Variants in KCTD1 observed in about 807,000 individuals in gnomAD.
The protein encoded by KCTD1 is BTB/POZ domain-containing protein KCTD1.
In KCTD1, 24 loss-of-function variants were observed where a neutral mutation model predicts 66.0. That is an observed-to-expected ratio of 0.36 (90% CI 0.26 to 0.51). The LOEUF (loss-of-function observed/expected upper bound fraction) is 0.51. Among genes scored for constraint, KCTD1 ranks in the 20% least tolerant of loss-of-function variants. The pLI is 0.95. For missense variants in KCTD1, 943 were observed against 1,205.2 expected (o/e 0.78, Z 3.22); for synonymous variants, 511 against 517.2 (o/e 0.99, Z 0.16).
At chr18:26,486,749 G>A (rs1981940477) in intron 2 of KCTD1, among the ~76,000 whole-genome samples, 1 of 152,106 alleles carries the variant, frequency 6.6e-6, no homozygotes, top group Non-Finnish European at 1.5e-5. Flanking sequence ...GAATTAACTT[G>A]CATGTCACTG....
At position 26,459,859 on chromosome 18, in the gene KCTD1, T is replaced by G; in HGVS notation, c.2200A>C (p.Arg734=). 1 of 1,613,254 alleles carries G rather than the reference T, an allele frequency of 6.2e-7. No homozygotes were observed. Among genetic ancestry groups the G allele is most frequent in the Non-Finnish European group, 8.5e-7 (1 of 1,179,384 alleles). ...QLQPMLLEME[R]WKQDRETGRF... ...CCAGTTTCTCTGTCCTGCTTCCATC[T>G]TTCCATCTCCAACAACATGGGCTGA... is the stretch of plus-strand genomic sequence containing the variant. The change falls in exon 4 of 5, where the codon AGA becomes CGA. Residue 734 remains arginine, a synonymous_variant. Coordinates refer to ENST00000580059, the MANE Select transcript of KCTD1 (RefSeq NM_001142730.3).
chr18:26,599,060 A>G (rs558338956), intron 1 of KCTD1, among the ~76,000 whole-genome samples: 1 of 152,332 alleles, frequency 6.6e-6, no homozygotes, highest in East Asian at 1.9e-4. Context: ...CATCTAAGAT[A>G]CTATTGACAA....
intron 1 of KCTD1, among the ~76,000 whole-genome samples, chr18:26,535,469 T>TA (rs929370244): frequency 2.0e-5 from 3 of 151,780 alleles, no homozygotes; most frequent in Non-Finnish European, 4.4e-5. Flanking sequence ...CTTTGTATTT[T>TA]AAAAAAAGTC....
intron 2 of KCTD1, among the ~76,000 whole-genome samples, chr18:26,477,749 G>C (rs969798049): frequency 6.6e-6 from 1 of 152,052 alleles, no homozygotes; most frequent in African/African-American, 2.4e-5. Context: ...GTGAATTTTT[G>C]TTTCAATAGA....
At chr18:26,621,277 G>T (rs1987378065) in intron 1 of KCTD1, among the ~76,000 whole-genome samples, 1 of 152,076 alleles carries the variant, frequency 6.6e-6, no homozygotes, top group Admixed American at 6.6e-5. Context: ...TCTGATTATT[G>T]CTCCCCTAAC....
In KCTD1 at chr18:26,547,116, G is replaced by A. The variant is rs772068277; in HGVS notation, c.1421C>T (p.Pro474Leu). ...IAGIGTKLGS[P>L]APQGCYAEAL... The stretch of plus-strand genomic sequence containing the variant: ...CTCGGCGTAGCAGCCCTGCGGGGCG[G>A]GCGAGCCCAGCTTGGTGCCAATGCC... Residue 474 changes from proline to leucine, a missense_variant, in exon 1 of 5, where the codon CCC becomes CTC. Physicochemically the swap from Pro to Leu is moderately conservative, Grantham distance 98 (BLOSUM62 -3). Coordinates refer to ENST00000580059, the MANE Select transcript of KCTD1 (RefSeq NM_001142730.3). 11 of 1,549,680 alleles carry A rather than the reference G, an allele frequency of 7.1e-6. No individual in the cohort carries two copies. In the East Asian group the frequency reaches 2.4e-4, roughly 34 times the overall value.
At chr18:26,624,405 C>T (rs1987454423) in intron 1 of KCTD1, among the ~76,000 whole-genome samples, 1 of 152,208 alleles carries the variant, frequency 6.6e-6, no homozygotes, top group Non-Finnish European at 1.5e-5. Context: ...CCCAGGGACC[C>T]CTTGCTCTGT....
rs543523700 is a variant in KCTD1, at chr18:26,468,351, A to C, written c.2133+8164T>G. Among the ~76,000 whole-genome samples, 1 of 152,360 alleles carries C rather than the reference A, an allele frequency of 6.6e-6. No homozygotes were observed. Among genetic ancestry groups the C allele is most frequent in the Non-Finnish European group, 1.5e-5 (1 of 68,030 alleles). On this transcript the variant is annotated intron_variant, in intron 3 of 4. Transcript: ENST00000580059. The surrounding 1 kb of genome is among the most constrained non-coding windows in gnomAD (Gnocchi z 4.8). ...GTGTTCTGAAATATGAAATTATCTC[A>C]AAGATGAAATGGGTATCCGGCTCGG...
chr18:26,495,405 G>T (rs887708038), intron 2 of KCTD1, among the ~76,000 whole-genome samples: 2 of 152,106 alleles, frequency 1.3e-5, no homozygotes, highest in Non-Finnish European at 2.9e-5. Flanking sequence ...ATCCGGTAAT[G>T]GCTAACCCAT....
intron 1 of KCTD1, among the ~76,000 whole-genome samples, chr18:26,535,446 C>A (rs1984655028): frequency 6.6e-6 from 1 of 151,772 alleles, no homozygotes; most frequent in Non-Finnish European, 1.5e-5. Context: ...AGAAATGGCT[C>A]CCGGGGGCTT....
intron 1 of KCTD1, among the ~76,000 whole-genome samples, chr18:26,506,922 T>G (rs1194266220): frequency 6.6e-6 from 1 of 152,048 alleles, no homozygotes; most frequent in African/African-American, 2.4e-5. Flanking sequence ...TTCCAGCACT[T>G]TGGGAGGCCG....
intron 1 of KCTD1, chr18:26,575,573 C>G (rs1262437937): frequency 2.0e-5 from 3 of 152,194 alleles, no homozygotes; most frequent in Non-Finnish European, 4.4e-5. Context: ...CTGCAAGTCA[C>G]GGTCTTTGTG....
At chr18:26,524,728 G>A (rs1381372089) in intron 1 of KCTD1, among the ~76,000 whole-genome samples, 1 of 152,172 alleles carries the variant, frequency 6.6e-6, no homozygotes, top group Non-Finnish European at 1.5e-5. Flanking sequence ...AACAGTGGCT[G>A]TCTCTAAAGA....
At chr18:26,538,327 G>A (rs556444990) in intron 1 of KCTD1, among the ~76,000 whole-genome samples, 21 of 152,290 alleles carry the variant, frequency 1.4e-4, no homozygotes, top group African/African-American at 4.8e-4. Context: ...AGAAGAAGGT[G>A]TGGAGTTAAA....
chr18:26,633,645 T>C (rs866255233), upstream of KCTD1, among the ~76,000 whole-genome samples: 73 of 152,244 alleles, frequency 4.8e-4, 2 homozygotes, highest in African/African-American at 1.7e-3. Flanking sequence ...TTATATCATA[T>C]AGAAAGAGAT....
intron 1 of KCTD1, among the ~76,000 whole-genome samples, chr18:26,521,336 AC>A (rs2144747099): frequency 6.6e-6 from 1 of 152,368 alleles, no homozygotes; most frequent in African/African-American, 2.4e-5. Context: ...TAAAAACACC[AC>A]TATGGGCATA....
chr18:26,657,298 C>T lies in KCTD1; in HGVS notation c.9+62G>A, dbSNP rs1003865327. ...GGCACATGCGTAAAAGCGAGTTGCG[C>T]CCAAAGTCCCAGCCATACCCTCCTT... On this transcript the variant is annotated intron_variant, in intron 1 of 4. Transcript: ENST00000580191. 3.7e-5 allele frequency: 36 copies of T among 983,406 alleles called. No individual in the cohort carries two copies. The African/African-American group carries it at 5.9e-4, about 16-fold the overall frequency. 60.9% of individuals were successfully genotyped at this position (983,406 alleles called of 1,614,324 possible).
chr18:26,652,422 A>T (rs901716848), intron 1 of KCTD1, among the ~76,000 whole-genome samples: 2 of 152,162 alleles, frequency 1.3e-5, no homozygotes, highest in African/African-American at 4.8e-5. Context: ...CAGTTGAGTG[A>T]TTTGCATAAT....
chr18:26,519,172 C>A (rs1983799837), intron 1 of KCTD1, among the ~76,000 whole-genome samples: 1 of 152,164 alleles, frequency 6.6e-6, no homozygotes, highest in African/African-American at 2.4e-5. Flanking sequence ...TTAAATCTCA[C>A]AAGTGATGAT....
Sources: gnomAD v4.1 joint callset for allele counts (sites outside exome capture counted in the v4.1 genomes callset) on GRCh38, gnomAD v4.1.1 for gene constraint, Gnocchi (gnomAD v3.1) non-coding constraint, MANE v1.5 for transcripts, NCBI Gene and HGNC (gene_info 2026-07-23, HGNC 2026-07-21) for gene names.